Variants in TBC1D5 observed in about 807,000 individuals in gnomAD.
The protein encoded by TBC1D5 is TBC1 domain family, member 5.
In TBC1D5, 75 loss-of-function variants were observed where a neutral mutation model predicts 100.3. The observed-to-expected ratio is 0.75, with a 90% confidence interval of 0.62 to 0.91. The LOEUF is 0.91. TBC1D5 is among the 40% of genes least tolerant of loss of function. The probability of loss-of-function intolerance (pLI) is 0.00; values close to 1 mark genes in which losing one functional copy is unlikely to be tolerated. For missense variants in TBC1D5, 910 were observed against 942.4 expected (o/e 0.97, Z 0.45); for synonymous variants, 323 against 325.6 (o/e 0.99, Z 0.09).
intron 1 of TBC1D5, among the ~76,000 whole-genome samples, chr3:17,637,179 G>A (rs2064029222): frequency 7.2e-6 from 1 of 138,726 alleles, no homozygotes; most frequent in Non-Finnish European, 1.5e-5. Context: ...GTGCCACCAT[G>A]CCCGACTAAT....
chr3:17,533,068 TAC>T (rs2096248328), intron 2 of TBC1D5, among the ~76,000 whole-genome samples: 1 of 112,152 alleles, frequency 8.9e-6, no homozygotes, highest in South Asian at 2.8e-4. Context: ...CACACACACA[TAC>T]ACAGACACAC....
At chr3:17,304,163 A>C (rs1376754116) in intron 14 of TBC1D5, among the ~76,000 whole-genome samples, 1 of 151,356 alleles carries the variant, frequency 6.6e-6, no homozygotes, top group Non-Finnish European at 1.5e-5. Context: ...CTTCCACAGG[A>C]CTCCAGACCC....
chr3:17,561,746 C>T (rs2096560636), intron 2 of TBC1D5, among the ~76,000 whole-genome samples: 1 of 151,866 alleles, frequency 6.6e-6, no homozygotes, highest in Non-Finnish European at 1.5e-5. Flanking sequence ...GACAAATTTC[C>T]AAAAAGAAAG....
intron 1 of TBC1D5, among the ~76,000 whole-genome samples, chr3:17,662,435 T>C (rs1448294257): frequency 6.6e-6 from 1 of 152,220 alleles, no homozygotes; most frequent in Non-Finnish European, 1.5e-5. Context: ...ATTAAAAGTA[T>C]AGTCTGATTT....
intron 2 of TBC1D5, among the ~76,000 whole-genome samples, chr3:17,569,305 C>T (rs1466061092): frequency 6.6e-6 from 1 of 151,682 alleles, no homozygotes; most frequent in Non-Finnish European, 1.5e-5. Context: ...AACAGAAGTT[C>T]CTCCATAATG....
chr3:17,375,523 C>T (rs759874985), intron 10 of TBC1D5, among the ~76,000 whole-genome samples: 2 of 151,234 alleles, frequency 1.3e-5, no homozygotes, highest in Non-Finnish European at 2.9e-5. Flanking sequence ...GCCGAGATAG[C>T]ACTGCTGCAT....
Position 17,568,116 on chromosome 3 carries a change from C to G in TBC1D5, c.-36+55733G>C, listed in dbSNP as rs192017678. Among the ~76,000 whole-genome samples the G allele has an allele frequency of 2.0e-5, 3 of 151,530 alleles. No individual in the cohort carries two copies. The East Asian group carries it at 5.8e-4, about 29-fold the overall frequency. On this transcript the variant is annotated intron_variant, in intron 2 of 21. Transcript: ENST00000253692. ...AAGGTGAACACCCTCCTACCTTTTT[C>G]ATTTGTTTTTGAATGTAGGAGGAAT... is the stretch of plus-strand genomic sequence containing the variant.
intron 16 of TBC1D5, among the ~76,000 whole-genome samples, chr3:17,241,837 T>C (rs1013815385): frequency 1.4e-4 from 21 of 152,210 alleles, no homozygotes; most frequent in Middle Eastern, 3.2e-3. Flanking sequence ...CAGGACAAAG[T>C]TGCAAGTATA....
At chr3:17,234,910 T>C (rs2075739062) in intron 17 of TBC1D5, among the ~76,000 whole-genome samples, 1 of 152,128 alleles carries the variant, frequency 6.6e-6, no homozygotes, top group African/African-American at 2.4e-5. Flanking sequence ...TCTCCTATAA[T>C]TGAAATAAAA....
intron 2 of TBC1D5, among the ~76,000 whole-genome samples, chr3:17,607,904 T>A (rs982366404): frequency 6.6e-6 from 1 of 152,052 alleles, no homozygotes; most frequent in Non-Finnish European, 1.5e-5. Context: ...ACACCACTCA[T>A]GATTTTTAAA....
At chr3:17,697,488 G>C (rs2072317889) in intron 1 of TBC1D5, among the ~76,000 whole-genome samples, 1 of 152,140 alleles carries the variant, frequency 6.6e-6, no homozygotes, top group Non-Finnish European at 1.5e-5. Flanking sequence ...CAAATCACAA[G>C]TGAATTCCCA....
At chr3:17,331,595 C>G (rs1255726306) in intron 13 of TBC1D5, among the ~76,000 whole-genome samples, 5 of 152,172 alleles carry the variant, frequency 3.3e-5, no homozygotes, top group Non-Finnish European at 7.3e-5. Context: ...AGGTGCTGTT[C>G]AGGGTGCTGG....
At chr3:17,537,955 C>CA (rs1043619594) in intron 2 of TBC1D5, among the ~76,000 whole-genome samples, 1 of 152,156 alleles carries the variant, frequency 6.6e-6, no homozygotes, top group African/African-American at 2.4e-5. Flanking sequence ...GGTCAGGCTA[C>CA]AGCTCAGTTT....
intron 18 of TBC1D5, among the ~76,000 whole-genome samples, chr3:17,212,214 A>G (rs2073063930): frequency 6.6e-6 from 1 of 152,220 alleles, no homozygotes; most frequent in Admixed American, 6.5e-5. Flanking sequence ...CATGTGCCAC[A>G]TAATGATGTT....
At chr3:17,210,116 T>C (rs575272846) in intron 18 of TBC1D5, among the ~76,000 whole-genome samples, 5 of 152,338 alleles carry the variant, frequency 3.3e-5, no homozygotes, top group African/African-American at 1.2e-4. Context: ...AAACATGGCT[T>C]TATTTTATGC....
chr3:17,505,003 A>T (rs2095829595), intron 3 of TBC1D5, among the ~76,000 whole-genome samples: 1 of 152,220 alleles, frequency 6.6e-6, no homozygotes, highest in African/African-American at 2.4e-5. Context: ...TGGGAAAAAA[A>T]CAAAATTATA....
At chr3:17,352,319 A>G (rs1177054972) in intron 13 of TBC1D5, among the ~76,000 whole-genome samples, 1 of 152,008 alleles carries the variant, frequency 6.6e-6, no homozygotes, top group Non-Finnish European at 1.5e-5. Context: ...AATACCTTTT[A>G]TTTTTCCTAG....
At chr3:17,596,667 C>T (rs2060593632) in intron 2 of TBC1D5, among the ~76,000 whole-genome samples, 1 of 144,238 alleles carries the variant, frequency 6.9e-6, no homozygotes, top group South Asian at 2.2e-4. Flanking sequence ...CAGATTTGCC[C>T]TCCAGACCAG....
chr3:17,478,329 T>C (rs1264116565), intron 3 of TBC1D5, among the ~76,000 whole-genome samples: 1 of 152,222 alleles, frequency 6.6e-6, no homozygotes, highest in Non-Finnish European at 1.5e-5. Context: ...ATGGTATTAA[T>C]GGCCCAATTA....
Sources: gnomAD v4.1 joint callset for allele counts (sites outside exome capture counted in the v4.1 genomes callset) on GRCh38, gnomAD v4.1.1 for gene constraint, MANE v1.5 for transcripts, NCBI Gene and HGNC (gene_info 2026-07-23, HGNC 2026-07-21) for gene names.